Variants in PCDHA2 observed in about 807,000 individuals in gnomAD.
PCDHA2 encodes protocadherin alpha-2.
In PCDHA2, 58 loss-of-function variants were observed where a neutral mutation model predicts 66.0. The observed-to-expected ratio is 0.88, with a 90% CI of 0.71 to 1.09. PCDHA2 has a LOEUF of 1.09. PCDHA2 is among the 50% of genes least tolerant of loss of function. PCDHA2 has a pLI of 0.00. For synonymous variants in PCDHA2, 634 were observed against 554.0 expected (o/e 1.14, Z -2.03); for missense variants, 1,267 against 1,242.3 (o/e 1.02, Z -0.30).
At position 140,795,318 on chromosome 5, in the gene PCDHA2, T is replaced by A. The variant is rs782318515; in HGVS notation, c.354T>A (p.His118Gln). 1.2e-6 allele frequency: 2 copies of A among 1,614,062 alleles called. No individual in the cohort carries two copies. Among genetic ancestry groups the A allele is most frequent in the Non-Finnish European group, 1.7e-6 (2 of 1,180,034 alleles). ...TGGACAGGCCGCTGCAGGTTTTCCA[T>A]GTGGAAGTGGAGGTGAAGGACATTA... Reference protein sequence around the residue: ...VIVDRPLQVFHVEVEVKDIND... With the variant: ...VIVDRPLQVFQVEVEVKDIND... Residue 118 changes from histidine to glutamine, a missense_variant, in exon 1 of 4, where the codon CAT becomes CAA. Coordinates refer to ENST00000526136, the MANE Select transcript of PCDHA2 (RefSeq NM_018905.3).
chr5:140,949,880 A>G (rs1448161802), intron 1 of PCDHA2, among the ~76,000 whole-genome samples: 1 of 151,692 alleles, frequency 6.6e-6, no homozygotes, highest in African/African-American at 2.4e-5. Flanking sequence ...TTATTTGGGT[A>G]TTCCTCAGAA....
intron 1 of PCDHA2, among the ~76,000 whole-genome samples, chr5:140,879,587 G>A (rs904371743): frequency 6.6e-6 from 1 of 152,186 alleles, no homozygotes. Context: ...GACAGACATT[G>A]AAAAGTGAAA....
At chr5:141,005,321 A>C (rs1455149994) in intron 3 of PCDHA2, among the ~76,000 whole-genome samples, 1 of 152,182 alleles carries the variant, frequency 6.6e-6, no homozygotes, top group Admixed American at 6.5e-5. Context: ...AGTGGTAGAG[A>C]ATAATAGGCC....
At chr5:140,899,423 G>A (rs2067323431) in intron 1 of PCDHA2, among the ~76,000 whole-genome samples, 1 of 152,134 alleles carries the variant, frequency 6.6e-6, no homozygotes. Context: ...TTTGTCAAAG[G>A]TCTTTTCTGC....
At chr5:140,951,545 G>T (rs1019007635) in intron 1 of PCDHA2, among the ~76,000 whole-genome samples, 2 of 151,950 alleles carry the variant, frequency 1.3e-5, no homozygotes, top group African/African-American at 4.8e-5. Flanking sequence ...GCAAGGGACG[G>T]GGGGAAGTGC....
intron 1 of PCDHA2, chr5:140,812,673 G>A (rs1219098987): frequency 1.3e-5 from 2 of 152,072 alleles, no homozygotes; most frequent in African/African-American, 2.4e-5. Context: ...ATGTACAGAG[G>A]CACGATCATA....
intron 3 of PCDHA2, 49 bp downstream of exon 3, chr5:140,982,612 C>A (rs782489208): frequency 6.3e-7 from 1 of 1,599,358 alleles, no homozygotes; most frequent in Admixed American, 1.7e-5. Context: ...GGAAAGTGAT[C>A]AGATGACCTA....
intron 1 of PCDHA2, among the ~76,000 whole-genome samples, chr5:140,972,752 C>A (rs1332478312): frequency 1.3e-5 from 2 of 151,214 alleles, no homozygotes; most frequent in Non-Finnish European, 2.9e-5. Context: ...CAACCTCCGC[C>A]TCCCAAGTTA....
intron 1 of PCDHA2, chr5:140,871,257 G>T (rs374337862): frequency 6.8e-6 from 11 of 1,613,808 alleles, no homozygotes; most frequent in Admixed American, 1.7e-5. Flanking sequence ...TGCTGTATAC[G>T]GCGCTGTGGT....
chr5:140,969,554 T>C (rs2096342030), intron 1 of PCDHA2: 12 of 1,222,074 alleles, frequency 9.8e-6, no homozygotes, highest in Non-Finnish European at 1.3e-5. Context: ...TGAAGCCTTG[T>C]CCATAAAATT....
At chr5:140,941,023 T>C (rs2153648150) in intron 1 of PCDHA2, among the ~76,000 whole-genome samples, 1 of 152,338 alleles carries the variant, frequency 6.6e-6, no homozygotes, top group African/African-American at 2.4e-5. Flanking sequence ...ATTTTCCTTC[T>C]GGCCTTTTTG....
chr5:140,807,669 A>C (rs782656312), intron 1 of PCDHA2: 28 of 1,614,110 alleles, frequency 1.7e-5, no homozygotes, highest in South Asian at 4.4e-5. Context: ...TCGGATGCAG[A>C]TATCGGGGAG....
chr5:140,883,627 G>T (rs781902332), intron 1 of PCDHA2: 78 of 1,613,816 alleles, frequency 4.8e-5, no homozygotes, highest in Non-Finnish European at 6.2e-5. Flanking sequence ...ACAACGCGCC[G>T]GCGTTCGCGC....
Position 140,796,429 on chromosome 5 carries a change from C to G in PCDHA2, c.1465C>G (p.Leu489Val), listed in dbSNP as rs782389342. 2.5e-6 allele frequency: 4 copies of G among 1,613,724 alleles called. No individual in the cohort carries two copies. The highest frequency in any genetic ancestry group is 2.7e-5 in the African/African-American group (2 of 75,052). Residue 489 changes from leucine to valine, a missense_variant, in exon 1 of 4, where the codon CTG becomes GTG. Physicochemically the swap from Leu to Val is conservative, Grantham distance 32. Transcript: ENST00000526136. ...GGATGCGGACGCGCAGGAGAACGCG[C>G]TGGTGTCCTACTCGCTGGTGGAGCG... is the stretch of plus-strand genomic sequence containing the variant. ...AWDADAQENA[L>V]VSYSLVERRV...
intron 1 of PCDHA2, chr5:140,823,539 C>A (rs2150126772): frequency 2.5e-6 from 4 of 1,613,710 alleles, no homozygotes; most frequent in African/African-American, 2.7e-5. Flanking sequence ...GTGCGGGCCA[C>A]GTGGTGGCGA....
chr5:140,934,684 A>C (rs1026507859), intron 1 of PCDHA2, among the ~76,000 whole-genome samples: 9 of 152,178 alleles, frequency 5.9e-5, no homozygotes, highest in Non-Finnish European at 1.3e-4. Flanking sequence ...TATTCAAAAC[A>C]ATGAATTGAT....
At chr5:140,842,623 G>T in intron 1 of PCDHA2, 2 of 1,579,148 alleles carry the variant, frequency 1.3e-6, no homozygotes, top group Non-Finnish European at 1.7e-6. Context: ...GCTCGCCTTC[G>T]CTGTGGGCCA....
chr5:140,823,078 T>G (rs1581791056), intron 1 of PCDHA2: 1 of 1,613,880 alleles, frequency 6.2e-7, no homozygotes, highest in Non-Finnish European at 8.5e-7. Context: ...GCCTTCGCTG[T>G]GGGCCACCGC....
chr5:140,795,546 C>T lies in PCDHA2; in HGVS notation c.582C>T (p.Leu194=), dbSNP rs757969639. 194 of 1,613,980 alleles carry T rather than the reference C, an allele frequency of 1.2e-4. No homozygotes were observed. The highest frequency in any genetic ancestry group is 1.5e-4 in the Non-Finnish European group (181 of 1,180,020). Residue 194 remains leucine, a synonymous_variant, in exon 1 of 4, where the codon CTC becomes CTT. Transcript: ENST00000526136. The part of the protein sequence containing the change: ...ANDELSESLS[L]VLGKSLDREE... ...ATGAACTAAGCGAATCTTTGTCTCT[C>T]GTGCTGGGGAAATCGCTGGACAGAG... is the stretch of plus-strand genomic sequence containing the variant.
Sources: allele counts gnomAD v4.1 joint callset (sites outside exome capture counted in the v4.1 genomes callset), GRCh38; gene constraint gnomAD v4.1.1; transcripts MANE v1.5; gene names NCBI Gene and HGNC (gene_info 2026-07-23, HGNC 2026-07-21).